Variants in OCIAD2 observed in about 807,000 individuals in gnomAD.
OCIAD2 encodes the protein OCIA domain containing 2.
Under a neutral mutation model 22.9 loss-of-function variants are expected in OCIAD2, and 29 were observed. That is an observed-to-expected ratio of 1.27 (90% CI 0.94 to 1.73). The LOEUF is 1.73. OCIAD2 is among the 40% of genes most tolerant of loss of function. The pLI is 0.00. For missense variants in OCIAD2, 189 were observed against 180.3 expected (o/e 1.05, Z -0.28); for synonymous variants, 67 against 60.2 (o/e 1.11, Z -0.52).
chr4:48,896,260 C>T (rs1281834091), intron 4 of OCIAD2, among the ~76,000 whole-genome samples: 1 of 151,998 alleles, frequency 6.6e-6, no homozygotes, highest in Non-Finnish European at 1.5e-5. Flanking sequence ...GGACTTCTTC[C>T]CTCATATTTA....
intron 3 of OCIAD2, 38 bp downstream of exon 3, chr4:48,899,791 C>T: frequency 7.2e-7 from 1 of 1,380,472 alleles, no homozygotes; most frequent in Non-Finnish European, 1.0e-6. Context: ...GATATTTAGG[C>T]AGTTTACTGC....
intron 6 of OCIAD2, among the ~76,000 whole-genome samples, chr4:48,888,258 A>C (rs1406626542): frequency 6.6e-6 from 1 of 152,102 alleles, no homozygotes; most frequent in Admixed American, 6.6e-5. Flanking sequence ...GGGTTTTCTA[A>C]ATACACAATC....
intron 6 of OCIAD2, among the ~76,000 whole-genome samples, chr4:48,890,896 T>C (rs1781161227): frequency 6.6e-6 from 1 of 152,124 alleles, no homozygotes; most frequent in Non-Finnish European, 1.5e-5. Context: ...AGGAACCCCT[T>C]TCTCTCACTT....
At chr4:48,891,270 C>T (rs190918920) in intron 6 of OCIAD2, among the ~76,000 whole-genome samples, 13 of 152,208 alleles carry the variant, frequency 8.5e-5, no homozygotes, top group African/African-American at 3.1e-4. Context: ...ATTCCTTAAC[C>T]CTCCCCTCCA....
At position 48,894,054 on chromosome 4, in the gene OCIAD2, C is replaced by A; in HGVS notation, c.218-1G>T. ...AATCTAGAATTAGCTGCCAAATAAC[C>A]TAAGGAGTAATAAAGAAAAACATTA... On this transcript the variant is annotated splice_acceptor_variant, in intron 4 of 6. Transcript: ENST00000508632. LOFTEE classifies it high-confidence loss of function. The A allele has an allele frequency of 6.9e-7, 1 of 1,439,020 alleles. No individual in the cohort carries two copies. The highest frequency in any genetic ancestry group is 9.3e-7 in the Non-Finnish European group (1 of 1,069,596). The allele number at this position is 1,439,020 out of a possible 1,614,324, so 89.1% of individuals were successfully genotyped here.
chr4:48,898,763 T>A (rs1478300653), intron 3 of OCIAD2, among the ~76,000 whole-genome samples: 1 of 152,202 alleles, frequency 6.6e-6, no homozygotes, highest in African/African-American at 2.4e-5. Context: ...TTAGCTATAA[T>A]TTTAAAACAG....
intron 2 of OCIAD2, among the ~76,000 whole-genome samples, 173 bp from the exon 3 acceptor site, chr4:48,900,098 TG>T (rs1781383512): frequency 6.6e-6 from 1 of 152,226 alleles, no homozygotes; most frequent in South Asian, 2.1e-4. Flanking sequence ...CTGGGAACAC[TG>T]ATGGACTTAG....
chr4:48,898,173 TATGTAC>T (rs1259805563), intron 3 of OCIAD2, among the ~76,000 whole-genome samples: 1 of 152,230 alleles, frequency 6.6e-6, no homozygotes. Context: ...TCTTAGGGTA[TATGTAC>T]ATTGACCTGT....
intron 2 of OCIAD2, among the ~76,000 whole-genome samples, chr4:48,903,641 T>G (rs1288951020): frequency 1.3e-5 from 2 of 150,064 alleles, no homozygotes; most frequent in East Asian, 3.9e-4. Context: ...AAGGGTTTTT[T>G]TTTTTTTTTT....
chr4:48,887,238 C>T (rs1022356188), intron 6 of OCIAD2, among the ~76,000 whole-genome samples: 1 of 152,122 alleles, frequency 6.6e-6, no homozygotes, highest in African/African-American at 2.4e-5. Context: ...TGGATATTAG[C>T]CCTTTGTCAG....
intron 6 of OCIAD2, among the ~76,000 whole-genome samples, chr4:48,888,394 A>C (rs1315616994): frequency 6.6e-6 from 1 of 152,200 alleles, no homozygotes; most frequent in Non-Finnish European, 1.5e-5. Flanking sequence ...GTGGTGAGAG[A>C]GGGCATACCT....
intron 2 of OCIAD2, among the ~76,000 whole-genome samples, chr4:48,903,971 T>C (rs999798002): frequency 1.3e-5 from 2 of 152,136 alleles, no homozygotes; most frequent in African/African-American, 4.8e-5. Flanking sequence ...AATAAAATTT[T>C]AAATTTTAAA....
At chr4:48,892,479 G>A (rs1372318267) in intron 6 of OCIAD2, among the ~76,000 whole-genome samples, 1 of 152,192 alleles carries the variant, frequency 6.6e-6, no homozygotes, top group Non-Finnish European at 1.5e-5. Context: ...AGTTTTGTGT[G>A]ACTCTGTGAT....
chr4:48,897,885 T>C (rs1781335441), intron 3 of OCIAD2, 28 bp from the exon 4 acceptor site: 1 of 1,586,858 alleles, frequency 6.3e-7, no homozygotes, highest in Non-Finnish European at 8.6e-7. Flanking sequence ...CCTTCAATAT[T>C]GGTATTTTAA....
intron 3 of OCIAD2, among the ~76,000 whole-genome samples, chr4:48,899,332 A>C (rs1781367995): frequency 6.6e-6 from 1 of 152,208 alleles, no homozygotes; most frequent in Admixed American, 6.5e-5. Context: ...ACTCAGCTGA[A>C]AATGTTATTT....
At chr4:48,893,919 C>G (rs1781239143) in intron 5 of OCIAD2, 87 bp downstream of exon 5, 1 of 680,330 alleles carries the variant, frequency 1.5e-6, no homozygotes, top group African/African-American at 1.8e-5. Flanking sequence ...TGGACTCAAG[C>G]AATCTACCCA....
intron 1 of OCIAD2, 55 bp downstream of exon 1, chr4:48,906,603 G>C (rs1781532814): frequency 6.5e-6 from 1 of 153,100 alleles, no homozygotes; most frequent in East Asian, 1.9e-4. Flanking sequence ...GCGGCGCCGC[G>C]TTCCCCCGAG....
chr4:48,885,081 G>A lies in OCIAD2; in HGVS notation c.*403C>T. ...GCTCGCTGCAACTTTCGCCTCCTGG[G>A]TTCAAGTGATTCTCCTGCCTCAGCC... On this transcript the variant is annotated 3_prime_UTR_variant, in exon 7 of 7. Coordinates refer to ENST00000508632, the MANE Select transcript of OCIAD2 (RefSeq NM_001014446.3). 1 of 178,578 alleles carries A rather than the reference G, an allele frequency of 5.6e-6. No homozygotes were observed. Among genetic ancestry groups the A allele is most frequent in the Non-Finnish European group, 1.2e-5 (1 of 85,098 alleles). The allele number at this position is 178,578 out of a possible 1,614,324, so 11.1% of individuals were successfully genotyped here. A position where few individuals can be genotyped will look rare whatever the true frequency, so the allele number is the denominator to read the frequency against.
At chr4:48,889,084 G>T (rs1460256748) in intron 6 of OCIAD2, among the ~76,000 whole-genome samples, 6 of 152,190 alleles carry the variant, frequency 3.9e-5, no homozygotes, top group Admixed American at 6.5e-5. Flanking sequence ...TATGTGTCCA[G>T]CAATTTATCC....
Sources: gnomAD v4.1 joint callset for allele counts (sites outside exome capture counted in the v4.1 genomes callset) on GRCh38, gnomAD v4.1.1 for gene constraint, MANE v1.5 for transcripts, NCBI Gene and HGNC (gene_info 2026-07-23, HGNC 2026-07-21) for gene names.